The following SLC37A3 variants were observed in gnomAD, a reference collection of about 807,000 sequenced individuals.
The protein encoded by SLC37A3 is solute carrier family 37 member 3.
In SLC37A3, 51 loss-of-function variants were observed where a neutral mutation model predicts 67.1. The observed-to-expected ratio is 0.76, with a 90% CI of 0.61 to 0.96. The LOEUF (loss-of-function observed/expected upper bound fraction) is 0.96, where lower values mean the gene tolerates loss of function less well. Ranked by LOEUF, SLC37A3 falls within the 40% of genes least tolerant of loss-of-function variation. SLC37A3 has a pLI of 0.00. For missense variants in SLC37A3, 508 were observed against 603.0 expected (o/e 0.84, Z 1.65); for synonymous variants, 214 against 231.4 (o/e 0.92, Z 0.68).
chr7:140,352,588 T>C (rs1483510380), intron 7 of SLC37A3, among the ~76,000 whole-genome samples: 1 of 152,010 alleles, frequency 6.6e-6, no homozygotes, highest in African/African-American at 2.4e-5. Flanking sequence ...CTGAGAAACA[T>C]ATACGGGAAT....
chr7:140,374,664 G>GACCCCCACC (rs1442170450), intron 3 of SLC37A3, among the ~76,000 whole-genome samples: 1 of 151,972 alleles, frequency 6.6e-6, no homozygotes. Flanking sequence ...AACATGGTGA[G>GACCCCCACC]ACCCCCACCA....
chr7:140,382,847 C>T (rs1447703548), intron 1 of SLC37A3, among the ~76,000 whole-genome samples: 1 of 150,122 alleles, frequency 6.7e-6, no homozygotes, highest in Non-Finnish European at 1.5e-5. Context: ...AAGAAAATCA[C>T]TCATTCTTAT....
chr7:140,349,412 C>T (rs904103261), intron 9 of SLC37A3, among the ~76,000 whole-genome samples: 2 of 152,148 alleles, frequency 1.3e-5, no homozygotes, highest in South Asian at 2.1e-4. Context: ...ATGTCATCAT[C>T]GGCCTCGTGG....
chr7:140,359,039 T>A (rs1165578412), intron 5 of SLC37A3, among the ~76,000 whole-genome samples: 1 of 152,118 alleles, frequency 6.6e-6, no homozygotes, highest in Non-Finnish European at 1.5e-5. Context: ...GCCCTCCAAC[T>A]GACATCTTCA....
Position 140,346,454 on chromosome 7 carries a change from C to T in SLC37A3, c.1025-484G>A, listed in dbSNP as rs115912661. Among the ~76,000 whole-genome samples, 471 of 152,300 alleles carry T rather than the reference C, an allele frequency of 3.1e-3. 4 individuals are homozygous for T. The highest frequency in any genetic ancestry group is 0.011 in the African/African-American group (439 of 41,568). ...TTTAGGAATAAACTGTCTGTTAAAT[C>T]ACCATGATGACCAGTGGGGACAGGA... On this transcript the variant is annotated intron_variant, in intron 10 of 14. Coordinates refer to ENST00000326232, the MANE Select transcript of SLC37A3 (RefSeq NM_207113.3).
intron 3 of SLC37A3, among the ~76,000 whole-genome samples, chr7:140,378,609 C>A (rs1242198040): frequency 6.6e-6 from 1 of 151,874 alleles, no homozygotes; most frequent in African/African-American, 2.4e-5. Context: ...TGGTGGCATG[C>A]GCCTGTAGTC....
chr7:140,345,404 C>T (rs1052824873), intron 11 of SLC37A3, 141 bp from the exon 12 acceptor site: 2 of 649,944 alleles, frequency 3.1e-6, no homozygotes, highest in Non-Finnish European at 2.8e-6. Flanking sequence ...CTCTCTCTGC[C>T]TCTTTCAACT....
chr7:140,336,619 T>C (rs2116996713), intron 14 of SLC37A3, among the ~76,000 whole-genome samples: 1 of 152,334 alleles, frequency 6.6e-6, no homozygotes, highest in East Asian at 1.9e-4. Context: ...TTGCTTGGTA[T>C]ACATTGTAAT....
At chr7:140,361,693 C>G (rs1027224454) in intron 5 of SLC37A3, among the ~76,000 whole-genome samples, 6 of 150,260 alleles carry the variant, frequency 4.0e-5, no homozygotes, top group South Asian at 2.1e-4. Flanking sequence ...CGATTGCAGG[C>G]GCGCGCCGCC....
In SLC37A3 at chr7:140,388,683, C is replaced by T. The variant is rs544932913; in HGVS notation, c.-70-6087G>A. Among the ~76,000 whole-genome samples the T allele has an allele frequency of 6.0e-5, 9 of 151,018 alleles. 1 individual carries two copies. The highest frequency in any genetic ancestry group is 1.3e-4 in the Admixed American group (2 of 15,146). ...AAAATTAGTTGGGCGTGGTAGCGGGCGCTTGTAATCCCAGCTACTCAGGAG... is the reference window on the plus strand; with the variant it reads ...AAAATTAGTTGGGCGTGGTAGCGGGTGCTTGTAATCCCAGCTACTCAGGAG... On this transcript the variant is annotated intron_variant, in intron 1 of 14. Transcript: ENST00000326232.
chr7:140,396,065 GAGTGCAGTGGCGTGATCATAGTTCAC>G (rs1296326897), intron 1 of SLC37A3, among the ~76,000 whole-genome samples: 2 of 151,602 alleles, frequency 1.3e-5, no homozygotes, highest in African/African-American at 4.9e-5. Context: ...ACCCAGGCTG[GAGTGCAGTGGCGTGATCATAGTTCAC>G]TGCAGCCTCA....
Position 140,351,312 on chromosome 7 carries a change from T to C in SLC37A3, c.843A>G (p.Ile281Met). 6.2e-7 allele frequency: 1 copy of C among 1,614,166 alleles called. No homozygotes were observed. The highest frequency in any genetic ancestry group is 1.1e-5 in the South Asian group (1 of 91,076). ...GAAGGCAACATGCCTGGTAGAAGCT[T>C]ATCGCCTTGACTTGGGCAACAGAAC... ...DDSSVAQVKA[I>M]SFYQACCLPG... Residue 281 changes from isoleucine (I) to methionine (M), a missense_variant, in exon 9 of 15, where the codon ATA becomes ATG. Physicochemically the swap from Ile to Met is conservative, Grantham distance 10. Coordinates refer to ENST00000326232, the MANE Select transcript of SLC37A3 (RefSeq NM_207113.3).
chr7:140,393,964 A>G (rs1798820103), intron 1 of SLC37A3, among the ~76,000 whole-genome samples: 1 of 152,116 alleles, frequency 6.6e-6, no homozygotes, highest in African/African-American at 2.4e-5. Flanking sequence ...TGAGCCCACG[A>G]GTTCGGGACC....
chr7:140,382,621 A>T (rs1344533867), intron 1 of SLC37A3, 25 bp from the exon 2 acceptor site: 2 of 992,760 alleles, frequency 2.0e-6, no homozygotes, highest in Non-Finnish European at 3.1e-6. Flanking sequence ...CACATTATGG[A>T]CATTATTAAA....
In SLC37A3 at chr7:140,362,457, G is replaced by A. The variant is rs1320639417; in HGVS notation, c.375+1951C>T. On this transcript the variant is annotated intron_variant, in intron 5 of 14. Coordinates refer to ENST00000326232, the MANE Select transcript of SLC37A3 (RefSeq NM_207113.3). ...AGCCCCCCGCCCGGCCAGCCGCCCCGTCTGGGAGGTGAGGGGCGCCTCTGC... is the reference window on the plus strand; with the variant it reads ...AGCCCCCCGCCCGGCCAGCCGCCCCATCTGGGAGGTGAGGGGCGCCTCTGC... Among the ~76,000 whole-genome samples the A allele has an allele frequency of 6.2e-5, 9 of 145,056 alleles. No individual in the cohort carries two copies. In the East Asian group the frequency reaches 1.1e-3, roughly 17 times the overall value.
chr7:140,369,195 G>A (rs768530800), intron 4 of SLC37A3, among the ~76,000 whole-genome samples: 20 of 152,154 alleles, frequency 1.3e-4, no homozygotes, highest in Non-Finnish European at 5.9e-5. Flanking sequence ...TCTCCCGGCT[G>A]TGCTACTTAA....
intron 1 of SLC37A3, among the ~76,000 whole-genome samples, chr7:140,387,746 T>TATATATTATAC (rs1563053242): frequency 7.4e-5 from 2 of 27,078 alleles, no homozygotes; most frequent in African/African-American, 2.5e-4. Context: ...CTATATATTA[T>TATATATTATAC]ATAAATATAA....
At chr7:140,380,141 T>C in intron 3 of SLC37A3, 141 bp downstream of exon 3, 1 of 472,976 alleles carries the variant, frequency 2.1e-6, no homozygotes, top group Non-Finnish European at 3.8e-6. Flanking sequence ...GAAATTAGAA[T>C]AGTTTGGCTC....
At chr7:140,360,509 A>G (rs1368738083) in intron 5 of SLC37A3, among the ~76,000 whole-genome samples, 2 of 151,936 alleles carry the variant, frequency 1.3e-5, no homozygotes, top group African/African-American at 4.8e-5. Flanking sequence ...TGGGGTGGGC[A>G]GATCACCTGA....
Sources: gnomAD v4.1 joint callset for allele counts (sites outside exome capture counted in the v4.1 genomes callset) on GRCh38, gnomAD v4.1.1 for gene constraint, MANE v1.5 for transcripts, NCBI Gene and HGNC (gene_info 2026-07-23, HGNC 2026-07-21) for gene names.